Variants in PTK2 observed in about 807,000 individuals in gnomAD.
PTK2 encodes the protein focal adhesion kinase 1.
Under a neutral mutation model 150.1 loss-of-function variants are expected in PTK2, and 45 were observed. The observed-to-expected ratio is 0.30, with a 90% CI of 0.24 to 0.38. The LOEUF is 0.38. Among genes scored for constraint, PTK2 ranks in the 10% least tolerant of loss-of-function variants. The pLI, the probability that PTK2 is intolerant of heterozygous loss-of-function variation, is 1.00. For synonymous variants in PTK2, 432 were observed against 449.2 expected, an observed-to-expected ratio of 0.96 and a Z score of 0.48; for missense variants, 919 against 1,307.3, an observed-to-expected ratio of 0.70 and a Z score of 4.58.
intron 27 of PTK2, among the ~76,000 whole-genome samples, chr8:140,684,539 A>G (rs1173626870): frequency 1.3e-5 from 2 of 152,268 alleles, no homozygotes; most frequent in African/African-American, 4.8e-5. Context: ...ATCAATGTAC[A>G]AAAATCAGTA....
intron 26 of PTK2, among the ~76,000 whole-genome samples, chr8:140,697,240 G>T (rs996813130): frequency 6.6e-6 from 1 of 151,066 alleles, no homozygotes; most frequent in African/African-American, 2.4e-5. Flanking sequence ...TATCTCAGAG[G>T]TTACCCAACA....
intron 1 of PTK2, among the ~76,000 whole-genome samples, chr8:140,989,070 T>C (rs1223970371): frequency 4.6e-5 from 7 of 151,888 alleles, no homozygotes; most frequent in Non-Finnish European, 4.4e-5. Flanking sequence ...AAACTTAACT[T>C]CTGTTTATCC....
chr8:140,780,592 A>C (rs1274386042), intron 14 of PTK2, among the ~76,000 whole-genome samples: 3 of 152,256 alleles, frequency 2.0e-5, no homozygotes, highest in African/African-American at 7.2e-5. Context: ...AACTAGTAAC[A>C]ATCAACCAAC....
exon 14 of PTK2, chr8:140,789,500 A>G: frequency 1.9e-6 from 3 of 1,613,532 alleles, no homozygotes; most frequent in South Asian, 1.1e-5. Context: ...GTGTGTCCGC[A>G]TGCCTTGCTT....
intron 14 of PTK2, among the ~76,000 whole-genome samples, chr8:140,769,245 T>C (rs74307138): frequency 7.4e-4 from 113 of 152,218 alleles, no homozygotes; most frequent in Admixed American, 5.5e-3. Context: ...GGAAACAGAG[T>C]GTATGGACCG....
intron 10 of PTK2, among the ~76,000 whole-genome samples, chr8:140,815,010 G>A (rs968909132): frequency 2.0e-5 from 3 of 151,968 alleles, no homozygotes; most frequent in African/African-American, 7.2e-5. Flanking sequence ...TCCTGACCTC[G>A]TGATCCGCCC....
At chr8:140,923,911 T>C (rs1479598636) in intron 2 of PTK2, among the ~76,000 whole-genome samples, 1 of 151,938 alleles carries the variant, frequency 6.6e-6, no homozygotes, top group Non-Finnish European at 1.5e-5. Context: ...GCTCCAGCTC[T>C]CACCGCCCTA....
At chr8:140,849,649 T>C (rs2100127910) in intron 5 of PTK2, among the ~76,000 whole-genome samples, 1 of 152,232 alleles carries the variant, frequency 6.6e-6, no homozygotes, top group African/African-American at 2.4e-5. Flanking sequence ...CCTAAAAGAT[T>C]GATCAAAATG....
chr8:140,803,616 G>A (rs1482317412), exon 11 of PTK2: 1 of 1,613,832 alleles, frequency 6.2e-7, no homozygotes, highest in East Asian at 2.2e-5. Flanking sequence ...ATACTGAATG[G>A]TTTGCACTTG....
intron 1 of PTK2, among the ~76,000 whole-genome samples, chr8:140,991,990 C>CA (rs974499326): frequency 2.8e-4 from 42 of 150,360 alleles, no homozygotes; most frequent in East Asian, 5.9e-4. Flanking sequence ...AAAAACAAAA[C>CA]AAAAAAAAAT....
chr8:140,763,438 G>T (rs1434083619), intron 15 of PTK2, among the ~76,000 whole-genome samples: 4 of 151,686 alleles, frequency 2.6e-5, no homozygotes, highest in Non-Finnish European at 5.9e-5. Flanking sequence ...TAAAAGGCAG[G>T]TTTAATTTTT....
intron 14 of PTK2, among the ~76,000 whole-genome samples, chr8:140,779,598 T>C (rs372031453): frequency 6.6e-6 from 1 of 152,002 alleles, no homozygotes; most frequent in South Asian, 2.1e-4. Context: ...GAGGAATATA[T>C]AGAGAAGTCC....
At chr8:140,691,203 G>C (rs749187293) in intron 26 of PTK2, among the ~76,000 whole-genome samples, 10 of 147,322 alleles carry the variant, frequency 6.8e-5, no homozygotes, top group East Asian at 2.1e-4. Context: ...TTGGGGGTGG[G>C]GGGTCTCACT....
intron 1 of PTK2, among the ~76,000 whole-genome samples, chr8:140,976,062 C>T (rs1341806060): frequency 6.6e-6 from 1 of 152,162 alleles, no homozygotes; most frequent in Non-Finnish European, 1.5e-5. Context: ...AGTAACTGCA[C>T]ATATAACCTC....
intron 1 of PTK2, among the ~76,000 whole-genome samples, chr8:140,992,375 CAGG>C (rs1379897698): frequency 2.6e-5 from 4 of 151,740 alleles, no homozygotes; most frequent in African/African-American, 9.7e-5. Flanking sequence ...GAGGCAGAAG[CAGG>C]AGAATTGCTT....
Position 140,668,239 on chromosome 8 carries a change from T to C in PTK2, c.2865+30A>G, listed in dbSNP as rs192930307. 7.8e-4 allele frequency: 1,256 copies of C among 1,613,248 alleles called. 1 individual carries two copies. The highest frequency in any genetic ancestry group is 1.1e-3 in the Admixed American group (67 of 59,968). On this transcript the variant is annotated intron_variant, in intron 30 of 31. Transcript: ENST00000522684. ...CAGCTTACAGGAAACAAGAACATTT[T>C]TGCCAGTACACAAAATGACTCTATT...
chr8:140,781,153 G>T (rs1209334465), intron 14 of PTK2, among the ~76,000 whole-genome samples: 6 of 152,038 alleles, frequency 3.9e-5, no homozygotes, highest in Non-Finnish European at 8.8e-5. Flanking sequence ...TCAAACTCTA[G>T]AATTTATATT....
exon 4 of PTK2, chr8:140,879,524 G>T: frequency 1.9e-6 from 3 of 1,613,356 alleles, no homozygotes; most frequent in Non-Finnish European, 2.5e-6. Context: ...CACTGGAGAC[G>T]CCCATATCCA....
chr8:140,999,615 G>A (rs894828910), intron 1 of PTK2, among the ~76,000 whole-genome samples: 1 of 152,204 alleles, frequency 6.6e-6, no homozygotes, highest in South Asian at 2.1e-4. Context: ...TACGTTGAAT[G>A]CTAGTTTACT....
Sources: gnomAD v4.1 joint callset for allele counts (sites outside exome capture counted in the v4.1 genomes callset) on GRCh38, gnomAD v4.1.1 for gene constraint, MANE v1.5 for transcripts, NCBI Gene and HGNC (gene_info 2026-07-23, HGNC 2026-07-21) for gene names.